The following SYNE2 variants were observed in gnomAD, a reference collection of about 807,000 sequenced individuals.
SYNE2 encodes the protein nesprin-2.
A neutral mutation model predicts 856.3 loss-of-function variants in SYNE2; 431 were observed. The observed-to-expected ratio is 0.50, with a 90% CI of 0.47 to 0.55. SYNE2 has a LOEUF of 0.55. Among genes scored for constraint, SYNE2 ranks in the 20% least tolerant of loss-of-function variants. The pLI, the probability that SYNE2 is intolerant of heterozygous loss-of-function variation, is 0.00. For synonymous variants in SYNE2, 2,923 were observed against 2,872.3 expected, an observed-to-expected ratio of 1.02 and a Z score of -0.56; for missense variants, 8,129 against 8,023.2, an observed-to-expected ratio of 1.01 and a Z score of -0.50.
Position 64,225,388 on chromosome 14 carries a change from G to T in SYNE2, c.20586G>T (p.Gln6862His). Residue 6862 changes from glutamine to histidine, a missense_variant, in exon 116 of 116, where the codon CAG becomes CAT. Gln to His is a conservative substitution (Grantham distance 24). This residue lies in a region of SYNE2 where 5,410 missense variants were observed against 5,284.8 expected (regional missense o/e 1.02). Transcript: ENST00000555002. ...TGGTCCGGGCAGCCCTACCCCTGCA[G>T]CTGCTCCTCCTGCTGCTGCTGCTCC... is the stretch of plus-strand genomic sequence containing the variant. ...SRVVRAALPLQLLLLLLLLLA... is the reference protein window; with the variant it reads ...SRVVRAALPLHLLLLLLLLLA... 6.2e-7 allele frequency: 1 copy of T among 1,614,126 alleles called. No individual in the cohort carries two copies. Among genetic ancestry groups the T allele is most frequent in the Non-Finnish European group, 8.5e-7 (1 of 1,179,998 alleles).
intron 79 of SYNE2, among the ~76,000 whole-genome samples, chr14:64,139,562 C>T (rs1356732559): frequency 2.6e-5 from 4 of 152,026 alleles, no homozygotes; most frequent in Non-Finnish European, 4.4e-5. Context: ...CAGGCGCCTG[C>T]CACCATGCCT....
rs992623609 is a variant in SYNE2 at position 64,196,646 on chromosome 14, T to C, written c.18039-6155T>C. The C allele has an allele frequency of 1.4e-3, 211 of 152,314 alleles. 2 individuals carry two copies. The highest frequency in any genetic ancestry group is 0.014 in the Admixed American group (211 of 15,300). The allele number at this position is 152,314 out of a possible 1,614,324, so 9.4% of individuals were successfully genotyped here. A position where few individuals can be genotyped will look rare whatever the true frequency, so the allele number is the denominator to read the frequency against. On this transcript the variant is annotated intron_variant, in intron 99 of 115. Coordinates refer to ENST00000555002, the MANE Select transcript of SYNE2 (RefSeq NM_182914.3). The stretch of plus-strand genomic sequence containing the variant: ...CTTTTAAACCTGAAACAGAGAAATT[T>C]AATTTGAGGAGGACAGAAATCCTCT...
chr14:64,197,374 A>G (rs2098545104), intron 99 of SYNE2, among the ~76,000 whole-genome samples: 4 of 152,214 alleles, frequency 2.6e-5, no homozygotes, highest in Admixed American at 2.0e-4. Context: ...AAAATGCTTT[A>G]AAGAGGCAAT....
At chr14:64,042,052 A>G (rs2097152791) in intron 45 of SYNE2, among the ~76,000 whole-genome samples, 1 of 152,230 alleles carries the variant, frequency 6.6e-6, no homozygotes, top group Non-Finnish European at 1.5e-5. Flanking sequence ...ACAAGGGTAT[A>G]TATCACAGCA....
At chr14:64,024,678 G>A (rs975385514) in intron 39 of SYNE2, among the ~76,000 whole-genome samples, 2 of 151,960 alleles carry the variant, frequency 1.3e-5, no homozygotes, top group Non-Finnish European at 2.9e-5. Context: ...TCTGAAAAAA[G>A]TTTTCTGTTT....
At chr14:64,018,216 A>G (rs1372141832) in intron 34 of SYNE2, among the ~76,000 whole-genome samples, 34 of 152,200 alleles carry the variant, frequency 2.2e-4, no homozygotes, top group Admixed American at 2.2e-3. Context: ...GTAGCAATAC[A>G]GACCCCAGGG....
chr14:63,863,069 A>G (rs376024188), intron 1 of SYNE2, among the ~76,000 whole-genome samples: 10 of 152,094 alleles, frequency 6.6e-5, no homozygotes, highest in Admixed American at 5.2e-4. Flanking sequence ...AAATGCTGGG[A>G]TTATGGGCCT....
chr14:64,212,658 G>T (rs2098647310), intron 104 of SYNE2, among the ~76,000 whole-genome samples, 153 bp from the exon 105 acceptor site: 1 of 152,218 alleles, frequency 6.6e-6, no homozygotes, highest in African/African-American at 2.4e-5. Context: ...AAATGTCATT[G>T]TCACTTAGTT....
At chr14:64,169,239 T>C (rs1026055218) in intron 93 of SYNE2, among the ~76,000 whole-genome samples, 2 of 152,240 alleles carry the variant, frequency 1.3e-5, no homozygotes, top group Non-Finnish European at 2.9e-5. Context: ...ACTTCTCAAG[T>C]ATAGTTAACT....
chr14:63,846,808 G>T (rs1890240988), intron 1 of SYNE2, among the ~76,000 whole-genome samples: 1 of 151,808 alleles, frequency 6.6e-6, no homozygotes, highest in Admixed American at 6.6e-5. Flanking sequence ...TGTTGGCTAG[G>T]CTGGTCTCCA....
intron 20 of SYNE2, 75 bp downstream of exon 20, chr14:63,990,644 G>A: frequency 2.3e-6 from 3 of 1,281,938 alleles, no homozygotes; most frequent in South Asian, 2.4e-5. Context: ...CAGTGAAGGG[G>A]GGTGATAGCC....
intron 96 of SYNE2, among the ~76,000 whole-genome samples, chr14:64,182,839 C>A (rs1234894629): frequency 6.6e-6 from 1 of 152,244 alleles, no homozygotes; most frequent in East Asian, 1.9e-4. Context: ...CCACATTTCC[C>A]CCTTTTCTAT....
chr14:63,829,073 C>T (rs1889569017), intron 1 of SYNE2, among the ~76,000 whole-genome samples: 1 of 151,878 alleles, frequency 6.6e-6, no homozygotes, highest in Admixed American at 6.6e-5. Flanking sequence ...AAATTAGAAC[C>T]CTCATATATT....
intron 46 of SYNE2, 26 bp from the exon 47 acceptor site, chr14:64,049,585 G>T: frequency 1.2e-6 from 2 of 1,612,484 alleles, no homozygotes; most frequent in South Asian, 2.2e-5. Flanking sequence ...AGTGTTTATT[G>T]ACTGATCTGT....
At chr14:64,121,179 C>A in intron 68 of SYNE2, 118 bp downstream of exon 68, 1 of 1,437,774 alleles carries the variant, frequency 7.0e-7, no homozygotes. Flanking sequence ...CACCTGTGGC[C>A]AGGTGTTCGA....
intron 84 of SYNE2, among the ~76,000 whole-genome samples, chr14:64,148,620 CTG>C (rs2153699634): frequency 6.6e-6 from 1 of 152,346 alleles, no homozygotes; most frequent in East Asian, 1.9e-4. Flanking sequence ...TGCCCACTGA[CTG>C]TGCCTTCCTA....
chr14:64,209,721 C>A, intron 102 of SYNE2, 143 bp downstream of exon 102: 1 of 1,282,472 alleles, frequency 7.8e-7, no homozygotes, highest in Non-Finnish European at 1.1e-6. Flanking sequence ...CCCCCAGCTG[C>A]TGAGACAGCT....
chr14:64,056,335 T>G, intron 49 of SYNE2, 69 bp downstream of exon 49: 1 of 1,361,248 alleles, frequency 7.3e-7, no homozygotes. Flanking sequence ...TAAACTATAT[T>G]TTAATAGTTT....
chr14:64,150,324 A>ATCCTCCCGCCTCAGCCTC (rs2098230263), intron 84 of SYNE2, among the ~76,000 whole-genome samples: 2 of 126,300 alleles, frequency 1.6e-5, no homozygotes, highest in Non-Finnish European at 3.4e-5. Flanking sequence ...AAAAAAAAGG[A>ATCCTCCCGCCTCAGCCTC]TCCTCCCGCC....
Sources: gnomAD v4.1 joint callset for allele counts (sites outside exome capture counted in the v4.1 genomes callset) on GRCh38, gnomAD v4.1.1 for gene constraint, gnomAD v4.1.1 regional missense constraint, MANE v1.5 for transcripts, NCBI Gene and HGNC (gene_info 2026-07-23, HGNC 2026-07-21) for gene names.